Variants in SAP30BP observed in about 807,000 individuals in gnomAD.
SAP30BP encodes the protein SAP30 binding protein, also known as SAP30-binding protein.
SAP30BP carries 31 observed loss-of-function variants against 46.3 expected under a neutral mutation model. The observed-to-expected ratio is 0.67, with a 90% CI of 0.50 to 0.90. The LOEUF (loss-of-function observed/expected upper bound fraction) is 0.90, where lower values mean the gene tolerates loss of function less well. Ranked by LOEUF, SAP30BP falls within the 40% of genes least tolerant of loss-of-function variation. The pLI is 0.00. For missense variants in SAP30BP, 312 were observed against 391.0 expected, an observed-to-expected ratio of 0.80 and a Z score of 1.70; for synonymous variants, 169 against 144.2, an observed-to-expected ratio of 1.17 and a Z score of -1.23.
At chr17:75,696,721 A>T (rs1347427341) in intron 4 of SAP30BP, among the ~76,000 whole-genome samples, 1 of 150,070 alleles carries the variant, frequency 6.7e-6, no homozygotes, top group Non-Finnish European at 1.5e-5. Context: ...ACTTCCTAGG[A>T]ATTATCTTGT....
chr17:75,692,549 C>G, intron 3 of SAP30BP: 1 of 979,668 alleles, frequency 1.0e-6, no homozygotes, highest in Non-Finnish European at 1.2e-6. Flanking sequence ...CCATTTTACA[C>G]TTGAGACAAT....
chr17:75,702,488 C>G lies in SAP30BP; in HGVS notation c.405C>G (p.Ile135Met), dbSNP rs772404392. 3.2e-6 allele frequency: 5 copies of G among 1,546,850 alleles called. No individual in the cohort carries two copies. The highest frequency in any genetic ancestry group is 1.4e-5 in the African/African-American group (1 of 73,730). The change falls in exon 6 of 11, where the codon ATC (isoleucine) becomes ATG (methionine). Residue 135 changes from isoleucine (I) to methionine (M), a missense_variant. Coordinates refer to ENST00000584667, the MANE Select transcript of SAP30BP (RefSeq NM_013260.8). ...TCTGCTCCTCTTCACAGGACAAGAT[C>G]CAGAAGCTTTATGAACGAAAGATAA... ...GRCSNHLQDK[I>M]QKLYERKIKE...
chr17:75,686,629 C>T (rs1221499449), intron 3 of SAP30BP, among the ~76,000 whole-genome samples: 2 of 152,180 alleles, frequency 1.3e-5, no homozygotes, highest in Non-Finnish European at 2.9e-5. Flanking sequence ...CCCAGAGGGC[C>T]CCACCAACTT....
At chr17:75,682,179 C>CTT (rs2060086398) in intron 3 of SAP30BP, among the ~76,000 whole-genome samples, 1 of 151,676 alleles carries the variant, frequency 6.6e-6, no homozygotes, top group South Asian at 2.1e-4. Context: ...TGATGCTAAC[C>CTT]ATACGACCAT....
chr17:75,671,576 C>G (rs1469415235), intron 2 of SAP30BP, among the ~76,000 whole-genome samples: 1 of 152,142 alleles, frequency 6.6e-6, no homozygotes, highest in Non-Finnish European at 1.5e-5. Flanking sequence ...ACTGTCTCAC[C>G]ACTAAAGTAA....
chr17:75,692,520 G>A, intron 3 of SAP30BP: 1 of 985,424 alleles, frequency 1.0e-6, no homozygotes. Flanking sequence ...CAGAAATGGG[G>A]GAAACAGGTG....
intron 3 of SAP30BP, among the ~76,000 whole-genome samples, chr17:75,682,372 A>G (rs1326050779): frequency 6.6e-6 from 1 of 151,814 alleles, no homozygotes; most frequent in African/African-American, 2.4e-5. Flanking sequence ...TTCAGTAGAG[A>G]TGGGGTTTCT....
intron 8 of SAP30BP, 73 bp from the exon 9 acceptor site, chr17:75,704,683 G>A (rs2060467798): frequency 6.3e-6 from 7 of 1,110,494 alleles, no homozygotes; most frequent in Non-Finnish European, 5.5e-6. Flanking sequence ...AAGAACGCAG[G>A]GATCAGAGTA....
intron 5 of SAP30BP, among the ~76,000 whole-genome samples, chr17:75,701,232 A>T (rs1162517053): frequency 6.6e-6 from 1 of 152,154 alleles, no homozygotes; most frequent in Non-Finnish European, 1.5e-5. Flanking sequence ...AGTGCCTCAG[A>T]TGTTTCCCTT....
intron 3 of SAP30BP, among the ~76,000 whole-genome samples, chr17:75,686,643 C>T (rs977316642): frequency 6.6e-6 from 1 of 152,218 alleles, no homozygotes; most frequent in Non-Finnish European, 1.5e-5. Context: ...CCAACTTCCG[C>T]CCATTTTTCT....
chr17:75,707,239 G>T lies in SAP30BP; in HGVS notation c.*718G>T, dbSNP rs2060510950. 1 of 152,504 alleles carries T rather than the reference G, an allele frequency of 6.6e-6. No homozygotes were observed. Among genetic ancestry groups the T allele is most frequent in the Non-Finnish European group, 1.5e-5 (1 of 68,250 alleles). The allele number at this position is 152,504 out of a possible 1,614,324, so 9.4% of individuals were successfully genotyped here. A position where few individuals can be genotyped will look rare whatever the true frequency, so the allele number is the denominator to read the frequency against. The stretch of plus-strand genomic sequence containing the variant: ...GGTGCCCGGTGAGCGCAGCCAGCAG[G>T]AGCTGAGCAGCGGGGGAGATGAATC... On this transcript the variant is annotated 3_prime_UTR_variant, in exon 11 of 11. Coordinates refer to ENST00000584667, the MANE Select transcript of SAP30BP (RefSeq NM_013260.8).
intron 4 of SAP30BP, among the ~76,000 whole-genome samples, chr17:75,697,959 C>G (rs187858425): frequency 1.3e-5 from 2 of 152,382 alleles, no homozygotes; most frequent in East Asian, 3.9e-4. Flanking sequence ...ACAGTAGGTG[C>G]TCAGTAAGTG....
At chr17:75,669,375 G>C (rs1416332065) in intron 2 of SAP30BP, among the ~76,000 whole-genome samples, 1 of 152,058 alleles carries the variant, frequency 6.6e-6, no homozygotes, top group Non-Finnish European at 1.5e-5. Context: ...CTCCTGAGTA[G>C]CTGGGATTAC....
At chr17:75,677,866 G>A (rs1043908691) in intron 3 of SAP30BP, among the ~76,000 whole-genome samples, 3 of 150,416 alleles carry the variant, frequency 2.0e-5, no homozygotes, top group Admixed American at 6.7e-5. Context: ...AGGTCAACAC[G>A]ATGAAAAAGA....
intron 3 of SAP30BP, among the ~76,000 whole-genome samples, chr17:75,688,810 A>G (rs1271142591): frequency 6.6e-6 from 1 of 152,056 alleles, no homozygotes; most frequent in Non-Finnish European, 1.5e-5. Flanking sequence ...TGCAGGAGGA[A>G]CCATATTCCA....
intron 1 of SAP30BP, among the ~76,000 whole-genome samples, chr17:75,667,724 C>T (rs1261056143): frequency 6.6e-6 from 1 of 152,200 alleles, no homozygotes; most frequent in Admixed American, 6.5e-5. Flanking sequence ...TAGTGATAGA[C>T]AGAGGGATGG....
chr17:75,706,639 G>A lies in SAP30BP; in HGVS notation c.*118G>A. On this transcript the variant is annotated 3_prime_UTR_variant, in exon 11 of 11. Transcript: ENST00000584667. This position sits in a 1 kb window ranked among gnomAD's most constrained non-coding sequence, Gnocchi z 4.6. The stretch of plus-strand genomic sequence containing the variant: ...CCTACTCCCCAGATGCCACCTGAGA[G>A]GAGCTTCTGTTTGGCATTCCAGATG... 1 of 947,832 alleles carries A rather than the reference G, an allele frequency of 1.1e-6. No individual in the cohort carries two copies. The highest frequency in any genetic ancestry group is 1.6e-5 in the African/African-American group (1 of 60,686). 58.7% of individuals were successfully genotyped at this position (947,832 alleles called of 1,614,324 possible).
intron 2 of SAP30BP, among the ~76,000 whole-genome samples, chr17:75,669,247 T>C (rs1291927922): frequency 6.8e-6 from 1 of 148,040 alleles, no homozygotes; most frequent in Non-Finnish European, 1.5e-5. Flanking sequence ...CTAGCTAACC[T>C]ATTATTATTT....
At chr17:75,692,625 A>G in intron 3 of SAP30BP, 4 of 501,388 alleles carry the variant, frequency 8.0e-6, no homozygotes, top group Non-Finnish European at 1.0e-5. Context: ...ATTTTGGTTT[A>G]GATGAAACAT....
Sources: gnomAD v4.1 joint callset for allele counts (sites outside exome capture counted in the v4.1 genomes callset) on GRCh38, gnomAD v4.1.1 for gene constraint, Gnocchi (gnomAD v3.1) non-coding constraint, MANE v1.5 for transcripts, NCBI Gene and HGNC (gene_info 2026-07-23, HGNC 2026-07-21) for gene names.